CIROZ: variants seen among roughly 807,000 people sequenced by gnomAD.
CIROZ encodes the protein ciliated left-right organizer ZP-N domains-containing protein.
At chr1:10,976,193 G>T in the CIROZ span, 1 of 1,536,880 alleles carries the variant, frequency 6.5e-7, no homozygotes, top group Non-Finnish European at 8.7e-7. Context: ...GCTTGTCCGT[G>T]TCTGACCTGA....
the CIROZ span, chr1:10,948,344 G>A: frequency 6.2e-7 from 1 of 1,613,548 alleles, no homozygotes; most frequent in Non-Finnish European, 8.5e-7. Flanking sequence ...CAGCCAGTGT[G>A]GCCCGCCAGG....
chr1:10,948,515 C>G, the CIROZ span: 1 of 1,614,096 alleles, frequency 6.2e-7, no homozygotes, highest in South Asian at 1.1e-5. Context: ...GACCTTCAGT[C>G]AGGGTGACAG....
chr1:10,954,453 CAAAAA>C, the CIROZ span, among the ~76,000 whole-genome samples: 10 of 117,332 alleles, frequency 8.5e-5, no homozygotes, highest in Non-Finnish European at 1.8e-4. Context: ...GACTCTGTCT[CAAAAA>C]AAAAAAAAAG....
chr1:10,981,823 C>T, the CIROZ span, among the ~76,000 whole-genome samples: 21 of 152,132 alleles, frequency 1.4e-4, no homozygotes, highest in Admixed American at 2.0e-4. Flanking sequence ...AGACTGTGGC[C>T]GGACCTCACC....
the CIROZ span, chr1:10,957,028 G>C: frequency 6.4e-7 from 1 of 1,551,062 alleles, no homozygotes; most frequent in Non-Finnish European, 8.7e-7. Flanking sequence ...CTTACCCGGT[G>C]GGCAAGCAGC....
chr1:10,974,304 C>CAGAG, the CIROZ span, among the ~76,000 whole-genome samples: 2 of 152,074 alleles, frequency 1.3e-5, no homozygotes, highest in East Asian at 3.9e-4. The surrounding 1 kb of genome is among the most constrained non-coding windows in gnomAD (Gnocchi z 4.4). Flanking sequence ...CAAAGTCAGG[C>CAGAG]AGAGGACGGC....
the CIROZ span, chr1:10,947,775 G>T: frequency 6.3e-7 from 1 of 1,597,372 alleles, no homozygotes; most frequent in Non-Finnish European, 8.6e-7. Flanking sequence ...CTGGAGTGAG[G>T]CCCCCCGGCC....
At chr1:10,949,330 C>T in the CIROZ span, 7 of 477,560 alleles carry the variant, frequency 1.5e-5, no homozygotes, top group South Asian at 2.3e-5. Flanking sequence ...AGCTGCTGAC[C>T]CCCCACCCTC....
the CIROZ span, among the ~76,000 whole-genome samples, chr1:10,958,532 G>T: frequency 6.6e-6 from 1 of 152,166 alleles, no homozygotes; most frequent in Non-Finnish European, 1.5e-5. Context: ...TGCCTGGAGG[G>T]CATCAGTGGG....
At chr1:10,968,398 G>C in the CIROZ span, among the ~76,000 whole-genome samples, 1 of 152,354 alleles carries the variant, frequency 6.6e-6, no homozygotes, top group Non-Finnish European at 1.5e-5. Flanking sequence ...CCAGAAAACA[G>C]CTCTGGCAGC....
the CIROZ span, among the ~76,000 whole-genome samples, chr1:10,981,092 T>C: frequency 6.6e-6 from 1 of 152,226 alleles, no homozygotes; most frequent in Non-Finnish European, 1.5e-5. Flanking sequence ...AGGAGCTTTT[T>C]AAAGTATCTC....
At chr1:10,968,606 T>G in the CIROZ span, among the ~76,000 whole-genome samples, 1 of 152,182 alleles carries the variant, frequency 6.6e-6, no homozygotes, top group Admixed American at 6.5e-5. Context: ...CGTTTGCACT[T>G]TGTAAATATT....
At chr1:10,953,889 A>C in the CIROZ span, 2 of 1,316,956 alleles carry the variant, frequency 1.5e-6, no homozygotes, top group African/African-American at 3.0e-5. Flanking sequence ...CTTACCTTGT[A>C]GGTGTGGGAT....
the CIROZ span, among the ~76,000 whole-genome samples, chr1:10,965,838 G>A: frequency 6.6e-6 from 1 of 151,230 alleles, no homozygotes; most frequent in Non-Finnish European, 1.5e-5. Context: ...AAAAAAAAAG[G>A]AAAAAGAATA....
the CIROZ span, among the ~76,000 whole-genome samples, chr1:10,972,120 G>A: frequency 6.6e-6 from 1 of 152,176 alleles, no homozygotes; most frequent in Non-Finnish European, 1.5e-5. Flanking sequence ...GAACACTGGA[G>A]TTTTCTGTAA....
At chr1:10,960,180 G>A in the CIROZ span, among the ~76,000 whole-genome samples, 2 of 152,116 alleles carry the variant, frequency 1.3e-5, no homozygotes, top group African/African-American at 4.8e-5. This position sits in a 1 kb window ranked among gnomAD's most constrained non-coding sequence, Gnocchi z 4.6. Context: ...CTGAGCTCAG[G>A]AGTTCCAGAC....
At chr1:10,947,783 G>A in the CIROZ span, 1 of 1,598,644 alleles carries the variant, frequency 6.3e-7, no homozygotes, top group South Asian at 1.1e-5. Flanking sequence ...AGGCCCCCCG[G>A]CCAGCCTGGA....
chr1:10,947,938 A>G, the CIROZ span: 18 of 1,613,628 alleles, frequency 1.1e-5, no homozygotes, highest in Non-Finnish European at 1.5e-5. Flanking sequence ...GACTCCAGGT[A>G]TCGGGCCTGG....
At chr1:10,952,552 A>G in the CIROZ span, among the ~76,000 whole-genome samples, 28 of 152,072 alleles carry the variant, frequency 1.8e-4, no homozygotes, top group African/African-American at 6.3e-4. Flanking sequence ...CTGTTTTGAG[A>G]CGAGTCTTGC....
Sources: gnomAD v4.1 joint callset for allele counts (sites outside exome capture counted in the v4.1 genomes callset) on GRCh38, gnomAD v4.1.1 for gene constraint, Gnocchi (gnomAD v3.1) non-coding constraint, MANE v1.5 for transcripts, NCBI Gene and HGNC (gene_info 2026-07-23, HGNC 2026-07-21) for gene names.